Variants in CRTC3 observed in about 807,000 individuals in gnomAD.
CRTC3 encodes the protein CREB-regulated transcription coactivator 3.
CRTC3 carries 26 observed loss-of-function variants against 74.5 expected under a neutral mutation model. The ratio of observed to expected loss-of-function variants is 0.35; its 90% CI spans 0.26 to 0.48. CRTC3 has a LOEUF of 0.48. Among genes scored for constraint, CRTC3 ranks in the 20% least tolerant of loss-of-function variants. CRTC3 has a pLI of 0.99. For synonymous variants in CRTC3, 377 were observed against 325.8 expected, an observed-to-expected ratio of 1.16 and a Z score of -1.69; for missense variants, 760 against 787.3, an observed-to-expected ratio of 0.97 and a Z score of 0.41.
At chr15:90,555,431 C>T (rs912017198) in intron 2 of CRTC3, among the ~76,000 whole-genome samples, 4 of 152,274 alleles carry the variant, frequency 2.6e-5, no homozygotes, top group Non-Finnish European at 4.4e-5. Flanking sequence ...TTAAGAAGCT[C>T]ATAATCAAGT....
At chr15:90,602,651 CAAAACAA>C (rs1001770320) in intron 4 of CRTC3, among the ~76,000 whole-genome samples, 1 of 46,514 alleles carries the variant, frequency 2.1e-5, no homozygotes, top group African/African-American at 1.2e-4. Flanking sequence ...AACAAACAAA[CAAAACAA>C]CAACAACAAC....
Position 90,642,154 on chromosome 15 carries a change from G to A in CRTC3, c.*14G>A. On this transcript the variant is annotated 3_prime_UTR_variant, in exon 15 of 15. Coordinates refer to ENST00000268184, the MANE Select transcript of CRTC3 (RefSeq NM_022769.5). ...GACAGACTGTGAACAGAAGGCAGTG[G>A]AACAGAAGAATGTTTTTCTGCAACA... 2 of 1,610,282 alleles carry A rather than the reference G, an allele frequency of 1.2e-6. No homozygotes were observed. Among genetic ancestry groups the A allele is most frequent in the South Asian group, 2.2e-5 (2 of 91,002 alleles).
intron 2 of CRTC3, among the ~76,000 whole-genome samples, chr15:90,581,956 C>T (rs1967552060): frequency 6.6e-6 from 1 of 152,138 alleles, no homozygotes; most frequent in East Asian, 1.9e-4. Context: ...ACTTTGTCTC[C>T]TTTCCTGCTT....
At chr15:90,625,538 G>C (rs1596137028) in intron 9 of CRTC3, among the ~76,000 whole-genome samples, 1 of 152,186 alleles carries the variant, frequency 6.6e-6, no homozygotes, top group South Asian at 2.1e-4. Context: ...ATCTGGTCTT[G>C]ATTATTCTAG....
intron 2 of CRTC3, among the ~76,000 whole-genome samples, chr15:90,572,125 G>T (rs977868808): frequency 1.4e-5 from 2 of 143,382 alleles, no homozygotes; most frequent in Admixed American, 7.3e-5. Context: ...TTGCGCCATC[G>T]TACTCCAGCG....
At chr15:90,533,688 C>G (rs565325781) in intron 1 of CRTC3, among the ~76,000 whole-genome samples, 80 of 152,170 alleles carry the variant, frequency 5.3e-4, no homozygotes, top group African/African-American at 1.4e-3. Context: ...AATGAGCAAG[C>G]AAAACACAGT....
chr15:90,569,110 A>G (rs1197322406), intron 2 of CRTC3, among the ~76,000 whole-genome samples: 1 of 151,482 alleles, frequency 6.6e-6, no homozygotes, highest in Non-Finnish European at 1.5e-5. Context: ...TTCCCATTCC[A>G]GCCTCCTGAG....
intron 14 of CRTC3, 22 bp from the exon 15 acceptor site, chr15:90,641,910 C>T: frequency 6.2e-7 from 1 of 1,610,108 alleles, no homozygotes; most frequent in Non-Finnish European, 8.5e-7. Flanking sequence ...GCACTGTTTT[C>T]CCCTCTGGCC....
intron 9 of CRTC3, among the ~76,000 whole-genome samples, chr15:90,620,406 A>G (rs936451705): frequency 1.7e-4 from 26 of 152,206 alleles, no homozygotes; most frequent in Admixed American, 1.6e-3. Flanking sequence ...ATAGTATGCA[A>G]CTTCACTCCC....
intron 2 of CRTC3, among the ~76,000 whole-genome samples, chr15:90,554,206 C>CTTT (rs796624134): frequency 1.4e-5 from 2 of 142,830 alleles, no homozygotes; most frequent in African/African-American, 2.6e-5. Context: ...GGTGTTTCCT[C>CTTT]TTTTTTTTTT....
At chr15:90,609,727 A>C (rs144181162) in intron 6 of CRTC3, among the ~76,000 whole-genome samples, 2,310 of 152,352 alleles carry the variant, frequency 0.015, 28 homozygotes, top group Non-Finnish European at 0.023. Context: ...AGAGGTGAGA[A>C]ATGTCAGAAG....
intron 3 of CRTC3, chr15:90,598,343 C>T (rs1159595256): frequency 5.8e-6 from 4 of 684,672 alleles, no homozygotes; most frequent in Non-Finnish European, 8.0e-6. Flanking sequence ...TCAGTAACCC[C>T]ACCCACTGGT....
chr15:90,552,206 G>T (rs1377564366), intron 2 of CRTC3, among the ~76,000 whole-genome samples: 1 of 152,208 alleles, frequency 6.6e-6, no homozygotes, highest in Non-Finnish European at 1.5e-5. Flanking sequence ...CAGCAGCCCA[G>T]TTAGTCCTCG....
intron 4 of CRTC3, 64 bp from the exon 5 acceptor site, chr15:90,604,321 G>A: frequency 7.8e-7 from 1 of 1,283,626 alleles, no homozygotes. Context: ...TGCAAGTGCT[G>A]AGGCCCTCCT....
At chr15:90,634,846 T>C in intron 11 of CRTC3, 1 of 1,537,534 alleles carries the variant, frequency 6.5e-7, no homozygotes, top group Non-Finnish European at 8.9e-7. Flanking sequence ...CAAGGAAAAG[T>C]ATTGCAAGCA....
chr15:90,639,447 C>CTTTT (rs144912546), intron 13 of CRTC3, among the ~76,000 whole-genome samples: 2 of 124,084 alleles, frequency 1.6e-5, no homozygotes, highest in Non-Finnish European at 3.4e-5. Context: ...GGTTCCAGAA[C>CTTTT]TTTTTTTTTT....
intron 2 of CRTC3, among the ~76,000 whole-genome samples, chr15:90,544,090 G>A (rs1029098850): frequency 3.3e-5 from 5 of 152,176 alleles, no homozygotes; most frequent in Admixed American, 6.5e-5. Context: ...ATGTTCTCAT[G>A]TTCTGAGTCC....
chr15:90,556,958 CTA>C (rs6145675), intron 2 of CRTC3, among the ~76,000 whole-genome samples: 3,174 of 129,802 alleles, frequency 0.024, 38 homozygotes, highest in African/African-American at 0.054. Context: ...CACCACATGG[CTA>C]TATATATATA....
chr15:90,604,312 G>A (rs1020548227), intron 4 of CRTC3, 73 bp from the exon 5 acceptor site: 18 of 1,132,550 alleles, frequency 1.6e-5, no homozygotes, highest in Non-Finnish European at 2.4e-5. Flanking sequence ...GTTCTCAAAT[G>A]CAAGTGCTGA....
Sources: gnomAD v4.1 joint callset for allele counts (sites outside exome capture counted in the v4.1 genomes callset) on GRCh38, gnomAD v4.1.1 for gene constraint, MANE v1.5 for transcripts, NCBI Gene and HGNC (gene_info 2026-07-23, HGNC 2026-07-21) for gene names.